Variants in KLB observed in about 807,000 individuals in gnomAD.
KLB encodes the protein beta-klotho.
In KLB, 44 loss-of-function variants were observed where a neutral mutation model predicts 88.4. The ratio of observed to expected loss-of-function variants is 0.50; its 90% CI spans 0.39 to 0.64. The LOEUF (loss-of-function observed/expected upper bound fraction) is 0.64, where lower values mean the gene tolerates loss of function less well. Ranked by LOEUF, KLB falls within the 30% of genes least tolerant of loss-of-function variation. The pLI is 0.00. For missense variants in KLB, 1,137 were observed against 1,304.8 expected (o/e 0.87, Z 1.98); for synonymous variants, 548 against 513.4 (o/e 1.07, Z -0.91).
chr4:39,445,100 C>A (rs1743706201), intron 3 of KLB, among the ~76,000 whole-genome samples: 1 of 152,192 alleles, frequency 6.6e-6, no homozygotes. Flanking sequence ...AAGGGCCTAG[C>A]AGGCAATTAT....
rs148587583 is a variant in KLB, at chr4:39,446,563, T to C, written c.1837T>C (p.Ser613Pro). Reference protein sequence around the residue: ...WASVLPTGNLSAVNRQALRYY... With the variant: ...WASVLPTGNLPAVNRQALRYY... ...CTCGGTCCTTCCCACTGGCAACCTG[T>C]CCGCGGTGAACCGACAGGCCCTGAG... is the stretch of plus-strand genomic sequence containing the variant. Residue 613 changes from serine to proline, a missense_variant, in exon 4 of 5, where the codon TCC (serine) becomes CCC (proline). Transcript: ENST00000257408. The surrounding 1 kb of genome is among the most constrained non-coding windows in gnomAD (Gnocchi z 6.4). 4.3e-6 allele frequency: 7 copies of C among 1,614,184 alleles called. No homozygotes were observed. Among genetic ancestry groups the C allele is most frequent in the South Asian group, 1.1e-5 (1 of 91,084 alleles).
intron 3 of KLB, chr4:39,441,621 A>C (rs1743597523): frequency 6.6e-6 from 1 of 152,136 alleles, no homozygotes; most frequent in Non-Finnish European, 1.5e-5. Flanking sequence ...AGCCCAGCAA[A>C]GAGCCAGATT....
At chr4:39,445,332 ACT>A (rs1403390809) in intron 3 of KLB, among the ~76,000 whole-genome samples, 1 of 151,784 alleles carries the variant, frequency 6.6e-6, no homozygotes, top group African/African-American at 2.4e-5. Context: ...ACAGAATGAG[ACT>A]CTGTCAGATC....
intron 1 of KLB, among the ~76,000 whole-genome samples, chr4:39,423,620 G>A (rs1005653373): frequency 1.3e-5 from 2 of 151,746 alleles, no homozygotes; most frequent in Non-Finnish European, 1.5e-5. Context: ...TTGTCTTGCA[G>A]AAGCTGTATT....
intron 1 of KLB, among the ~76,000 whole-genome samples, chr4:39,425,482 T>C (rs1743185223): frequency 6.6e-6 from 1 of 152,174 alleles, no homozygotes; most frequent in South Asian, 2.1e-4. Flanking sequence ...CGGGCTGGAG[T>C]GCAGTGGTGT....
At chr4:39,437,224 T>C (rs1360636501) in intron 2 of KLB, among the ~76,000 whole-genome samples, 1 of 152,224 alleles carries the variant, frequency 6.6e-6, no homozygotes, top group East Asian at 1.9e-4. Context: ...GTTCCCATTC[T>C]CTTACATCAC....
chr4:39,416,767 G>T (rs1560644928), intron 1 of KLB, among the ~76,000 whole-genome samples: 1 of 152,268 alleles, frequency 6.6e-6, no homozygotes, highest in East Asian at 1.9e-4. Flanking sequence ...GGGTGACAGG[G>T]TGAGACCCTG....
rs572325797 is a variant in KLB at position 39,418,009 on chromosome 4, A to G, written c.825+10235A>G. Reference sequence around the variant, plus strand: ...ATTTACAGCTTCAAAACCCATGTCCATCACTTGTTTTGATACTGTCTCAGC... The same window carrying G: ...ATTTACAGCTTCAAAACCCATGTCCGTCACTTGTTTTGATACTGTCTCAGC... On this transcript the variant is annotated intron_variant, in intron 1 of 4. Coordinates refer to ENST00000257408, the MANE Select transcript of KLB (RefSeq NM_175737.4). Among the ~76,000 whole-genome samples the G allele has an allele frequency of 3.9e-4, 60 of 152,322 alleles. 1 individual carries two copies. In the South Asian group the frequency reaches 0.012, roughly 31 times the overall value.
At chr4:39,428,154 G>A (rs990417822) in intron 1 of KLB, among the ~76,000 whole-genome samples, 2 of 152,058 alleles carry the variant, frequency 1.3e-5, no homozygotes, top group Non-Finnish European at 2.9e-5. Flanking sequence ...AGTCCAGGCC[G>A]GGTGGCTCAC....
rs1471878403 is a variant in KLB at position 39,451,339 on chromosome 4, G to GT, written c.*2656dup. The GT allele has an allele frequency of 2.0e-5, 3 of 152,202 alleles. No homozygotes were observed. Among genetic ancestry groups the GT allele is most frequent in the African/African-American group, 7.2e-5 (3 of 41,440 alleles). 9.4% of individuals were successfully genotyped at this position (152,202 alleles called of 1,614,324 possible). On this transcript the variant is annotated 3_prime_UTR_variant, in exon 5 of 5. Coordinates refer to ENST00000257408, the MANE Select transcript of KLB (RefSeq NM_175737.4). ...GGAGCAAACAGGTAAGATCTTTGGA[G>GT]TTTAAGCTTTTCTGAGATGTGTTGT...
Position 39,434,308 on chromosome 4 carries a change from C to T in KLB, c.924C>T (p.Asn308=). Residue 308 remains asparagine, a synonymous_variant, in exon 2 of 5, where the codon AAC becomes AAT. Transcript: ENST00000257408. ...TGGGATCTCATTGGATCGAGCCAAA[C>T]CGGTCGGAAAACACGATGGATATAT... ...ITLGSHWIEP[N]RSENTMDIFK... is the part of the protein sequence containing the mutation. 6.2e-7 allele frequency: 1 copy of T among 1,614,196 alleles called. No homozygotes were observed. The highest frequency in any genetic ancestry group is 8.5e-7 in the Non-Finnish European group (1 of 1,180,038).
At position 39,448,596 on chromosome 4, in the gene KLB, C is replaced by T; in HGVS notation, c.3045C>T (p.Ala1015=). Residue 1015 remains alanine (A), a synonymous_variant, in exon 5 of 5, where the codon GCC becomes GCT. Coordinates refer to ENST00000257408, the MANE Select transcript of KLB (RefSeq NM_175737.4). ...CCCTGGTTCTACTCTTATCAATTGC[C>T]ATTTTTCAAAGGCAGAAGAGAAGAA... The part of the protein sequence containing the change: ...FSTLVLLLSI[A]IFQRQKRRKF... 1 of 1,614,100 alleles carries T rather than the reference C, an allele frequency of 6.2e-7. No homozygotes were observed. The highest frequency in any genetic ancestry group is 1.1e-5 in the South Asian group (1 of 91,078).
At chr4:39,437,037 C>A (rs892434231) in intron 2 of KLB, among the ~76,000 whole-genome samples, 1 of 152,172 alleles carries the variant, frequency 6.6e-6, no homozygotes, top group Admixed American at 6.5e-5. Context: ...CATTTTTACA[C>A]AATTCCTACA....
In KLB at chr4:39,434,718, A is replaced by G; in HGVS notation, c.1334A>G (p.Gln445Arg). 1 of 1,610,214 alleles carries G rather than the reference A, an allele frequency of 6.2e-7. No homozygotes were observed. The highest frequency in any genetic ancestry group is 1.1e-5 in the South Asian group (1 of 90,356). The change falls in exon 2 of 5, where the codon CAA becomes CGA. Residue 445 changes from glutamine to arginine, a missense_variant and splice_region_variant. By Grantham distance (43) the Gln-to-Arg change is conservative. Coordinates refer to ENST00000257408, the MANE Select transcript of KLB (RefSeq NM_175737.4). ...AAGAATTTCCTCAGCCAGGTGCTTC[A>G]AGGTTGGTTGTACACTTGCTTAATT... ...MMKNFLSQVL[Q>R]AIRLDEIRVF...
At chr4:39,432,609 T>C (rs1389155108) in intron 1 of KLB, among the ~76,000 whole-genome samples, 1 of 152,182 alleles carries the variant, frequency 6.6e-6, no homozygotes, top group Non-Finnish European at 1.5e-5. Flanking sequence ...TAAGAAACTT[T>C]CTGAGGGTAA....
intron 1 of KLB, among the ~76,000 whole-genome samples, chr4:39,424,237 A>AT (rs1743148850): frequency 6.6e-6 from 1 of 151,492 alleles, no homozygotes; most frequent in African/African-American, 2.4e-5. Context: ...TACCCAGCTA[A>AT]TTTTTGTATT....
At chr4:39,422,887 G>A (rs535251994) in intron 1 of KLB, among the ~76,000 whole-genome samples, 5 of 148,228 alleles carry the variant, frequency 3.4e-5, no homozygotes, top group African/African-American at 1.1e-4. Context: ...TCAGCCTCCC[G>A]AGTAGAGTAG....
intron 1 of KLB, among the ~76,000 whole-genome samples, chr4:39,408,878 A>G (rs1194469784): frequency 1.4e-5 from 2 of 145,352 alleles, no homozygotes; most frequent in East Asian, 3.9e-4. Context: ...AACTTTATCA[A>G]TATAATTTTA....
At position 39,448,395 on chromosome 4, in the gene KLB, T is replaced by G; in HGVS notation, c.2844T>G (p.Asp948Glu). 6.2e-7 allele frequency: 1 copy of G among 1,614,032 alleles called. No individual in the cohort carries two copies. Among genetic ancestry groups the G allele is most frequent in the Non-Finnish European group, 8.5e-7 (1 of 1,179,898 alleles). ...SKPRFGFFTS[D>E]FKAKSSIQFY... ...CCAGATTTGGATTCTTCACATCTGA[T>G]TTTAAAGCTAAATCCTCAATACAAT... Residue 948 changes from aspartate (D) to glutamate (E), a missense_variant, in exon 5 of 5, where the codon GAT (aspartate) becomes GAG (glutamate). By Grantham distance (45) the Asp-to-Glu change is conservative (BLOSUM62 2). Coordinates refer to ENST00000257408, the MANE Select transcript of KLB (RefSeq NM_175737.4).
Sources: allele counts gnomAD v4.1 joint callset (sites outside exome capture counted in the v4.1 genomes callset), GRCh38; gene constraint gnomAD v4.1.1; non-coding constraint Gnocchi (gnomAD v3.1); transcripts MANE v1.5; gene names NCBI Gene and HGNC (gene_info 2026-07-23, HGNC 2026-07-21).